Variants in IMMP1L observed in about 807,000 individuals in gnomAD.
IMMP1L encodes the protein inner mitochondrial membrane peptidase subunit 1, also known as mitochondrial inner membrane protease subunit 1.
In IMMP1L, 24 loss-of-function variants were observed where a neutral mutation model predicts 21.8. The observed-to-expected ratio is 1.10, with a 90% CI of 0.80 to 1.55. The LOEUF (loss-of-function observed/expected upper bound fraction) is 1.55, where lower values mean the gene tolerates loss of function less well. Ranked by LOEUF, IMMP1L falls within the 40% of genes most tolerant of loss-of-function variation. The pLI is 0.00. For synonymous variants in IMMP1L, 46 were observed against 62.8 expected (o/e 0.73, Z 1.26); for missense variants, 195 against 200.7 (o/e 0.97, Z 0.17).
intron 1 of IMMP1L, chr11:31,469,652 C>T (rs757737198): frequency 6.6e-6 from 1 of 152,196 alleles, no homozygotes; most frequent in South Asian, 2.1e-4. Flanking sequence ...GAGAATAGGA[C>T]AGAAGCAATA....
intron 1 of IMMP1L, among the ~76,000 whole-genome samples, chr11:31,505,921 C>T (rs1955761942): frequency 2.0e-5 from 3 of 152,202 alleles, no homozygotes; most frequent in Non-Finnish European, 4.4e-5. Context: ...TGTTAATCCA[C>T]AGATGTCATT....
chr11:31,453,166 C>A lies in IMMP1L; in HGVS notation c.321+3094G>T. ...TCTTTTAAAACTCTGGAATGGAAAA[C>A]AAACAAACAAAAAAGAACTCTGGAA... On this transcript the variant is annotated intron_variant, in intron 4 of 5. Transcript: ENST00000532287. 5 of 1,181,734 alleles carry A rather than the reference C, an allele frequency of 4.2e-6. No homozygotes were observed. The Admixed American group carries it at 8.2e-5, about 19-fold the overall frequency. The allele number at this position is 1,181,734 out of a possible 1,614,324, so 73.2% of individuals were successfully genotyped here. A position where few individuals can be genotyped will look rare whatever the true frequency, so the allele number is the denominator to read the frequency against.
At chr11:31,474,862 G>T (rs1301439386) in intron 1 of IMMP1L, among the ~76,000 whole-genome samples, 1 of 151,958 alleles carries the variant, frequency 6.6e-6, no homozygotes, top group African/African-American at 2.4e-5. Context: ...AAATTCCCAG[G>T]CTCCCTGCGA....
intron 1 of IMMP1L, among the ~76,000 whole-genome samples, chr11:31,498,691 T>C (rs923145469): frequency 6.6e-6 from 1 of 152,224 alleles, no homozygotes; most frequent in Non-Finnish European, 1.5e-5. Flanking sequence ...AGAGTATGAA[T>C]TCTGTAGTCA....
At chr11:31,462,141 G>T (rs756386821) in intron 2 of IMMP1L, among the ~76,000 whole-genome samples, 1 of 151,670 alleles carries the variant, frequency 6.6e-6, no homozygotes, top group African/African-American at 2.4e-5. Flanking sequence ...ATGGTGAAAC[G>T]CCATCTCTAC....
At chr11:31,497,620 C>T (rs1002489472) in intron 1 of IMMP1L, among the ~76,000 whole-genome samples, 1 of 152,032 alleles carries the variant, frequency 6.6e-6, no homozygotes, top group Admixed American at 6.6e-5. Context: ...CGCTACCACG[C>T]CCAGCTAATT....
chr11:31,454,066 A>G lies in IMMP1L; in HGVS notation c.321+2194T>C, dbSNP rs554446726. 1.7e-4 allele frequency among the ~76,000 whole-genome samples: 26 copies of G among 152,330 alleles called. No homozygotes were observed. The South Asian group carries it at 4.8e-3, about 28-fold the overall frequency. Reference sequence around the variant, plus strand: ...ATCGGGTTGCTGTTGTGATAATTAAATAAGTTAACCTTTGAAAAGATTCTC... The same window carrying G: ...ATCGGGTTGCTGTTGTGATAATTAAGTAAGTTAACCTTTGAAAAGATTCTC... On this transcript the variant is annotated intron_variant, in intron 4 of 5. Transcript: ENST00000532287.
intron 1 of IMMP1L, among the ~76,000 whole-genome samples, chr11:31,488,765 T>C (rs1049452921): frequency 9.9e-5 from 15 of 152,178 alleles, no homozygotes; most frequent in South Asian, 2.1e-4. Flanking sequence ...AGTTATAATA[T>C]GACAAAGGCA....
intron 2 of IMMP1L, among the ~76,000 whole-genome samples, chr11:31,460,916 A>C (rs1218397536): frequency 6.6e-6 from 1 of 152,162 alleles, no homozygotes; most frequent in Non-Finnish European, 1.5e-5. Flanking sequence ...TACATTATAA[A>C]TGGATTATTG....
intron 1 of IMMP1L, among the ~76,000 whole-genome samples, chr11:31,495,281 G>A (rs995544530): frequency 2.0e-5 from 3 of 152,152 alleles, no homozygotes; most frequent in African/African-American, 7.2e-5. Context: ...TCTCTAGGAA[G>A]TTCCAAACTT....
intron 1 of IMMP1L, among the ~76,000 whole-genome samples, chr11:31,487,470 C>T (rs1440808111): frequency 6.6e-6 from 1 of 152,084 alleles, no homozygotes; most frequent in East Asian, 1.9e-4. Context: ...TTCTGACTTT[C>T]ACACATTTTA....
chr11:31,465,487 C>A (rs1362628704), intron 1 of IMMP1L, among the ~76,000 whole-genome samples: 1 of 151,932 alleles, frequency 6.6e-6, no homozygotes, highest in Non-Finnish European at 1.5e-5. Context: ...CCCCAAATAA[C>A]CAAAGCAATA....
intron 1 of IMMP1L, among the ~76,000 whole-genome samples, chr11:31,497,460 CTTTTTTTTT>C (rs796666845): frequency 3.2e-5 from 4 of 124,002 alleles, no homozygotes; most frequent in Non-Finnish European, 6.8e-5. Flanking sequence ...TATTTCTTTT[CTTTTTTTTT>C]TTTTTTTTTT....
intron 1 of IMMP1L, among the ~76,000 whole-genome samples, chr11:31,468,556 T>TG (rs1217989118): frequency 6.6e-6 from 1 of 152,024 alleles, no homozygotes; most frequent in African/African-American, 2.4e-5. Context: ...AACAAACACT[T>TG]GGGGAAAAAA....
chr11:31,473,104 T>C (rs1223085), intron 1 of IMMP1L, among the ~76,000 whole-genome samples: 57,933 of 151,048 alleles, frequency 0.38, 14,115 homozygotes, highest in African/African-American at 0.7. Context: ...GGCTGGAGTG[T>C]AGTGGCGCGA....
In IMMP1L at chr11:31,503,287, C is replaced by T. The variant is rs185850508; in HGVS notation, c.-30+6232G>A. Among the ~76,000 whole-genome samples, 592 of 151,928 alleles carry T rather than the reference C, an allele frequency of 3.9e-3. 2 individuals are homozygous for T. The highest frequency in any genetic ancestry group is 8.3e-3 in the Admixed American group (127 of 15,272). On this transcript the variant is annotated intron_variant, in intron 1 of 5. Coordinates refer to ENST00000532287, the MANE Select transcript of IMMP1L (RefSeq NM_001304274.2). Reference sequence around the variant, plus strand: ...GCTAGTGCACGCTCTTAACTACATACGGTATATTAGAAAAGGCAGAAAATC... The same window carrying T: ...GCTAGTGCACGCTCTTAACTACATATGGTATATTAGAAAAGGCAGAAAATC...
At chr11:31,492,634 T>C (rs1193657865) in intron 1 of IMMP1L, among the ~76,000 whole-genome samples, 2 of 152,204 alleles carry the variant, frequency 1.3e-5, no homozygotes, top group Admixed American at 1.3e-4. Context: ...TTTCTTTCAC[T>C]TGAACACTTA....
intron 4 of IMMP1L, among the ~76,000 whole-genome samples, chr11:31,454,979 G>A (rs1365333474): frequency 6.6e-6 from 1 of 152,182 alleles, no homozygotes; most frequent in African/African-American, 2.4e-5. Context: ...TTTTTAAGAA[G>A]AGGATACAGT....
At chr11:31,446,539 C>T (rs1230798975) in intron 4 of IMMP1L, among the ~76,000 whole-genome samples, 1 of 152,198 alleles carries the variant, frequency 6.6e-6, no homozygotes, top group Non-Finnish European at 1.5e-5. Context: ...TCCCACGTAA[C>T]AGACTACCAT....
Sources: allele counts gnomAD v4.1 joint callset (sites outside exome capture counted in the v4.1 genomes callset), GRCh38; gene constraint gnomAD v4.1.1; transcripts MANE v1.5; gene names NCBI Gene and HGNC (gene_info 2026-07-23, HGNC 2026-07-21).